Variants in MIA2 observed in about 807,000 individuals in gnomAD.
MIA2 encodes MIA SH3 domain ER export factor 2, also known as melanoma inhibitory activity protein 2.
MIA2 carries 127 observed loss-of-function variants against 167.8 expected under a neutral mutation model. The observed-to-expected ratio is 0.76, with a 90% CI of 0.66 to 0.88. The LOEUF (loss-of-function observed/expected upper bound fraction) is 0.88. MIA2 is among the 40% of genes least tolerant of loss of function. The pLI, the probability that MIA2 is intolerant of heterozygous loss-of-function variation, is 0.00. For missense variants in MIA2, 1,690 were observed against 1,624.7 expected, an observed-to-expected ratio of 1.04 and a Z score of -0.69; for synonymous variants, 552 against 541.9, an observed-to-expected ratio of 1.02 and a Z score of -0.26.
intron 6 of MIA2, among the ~76,000 whole-genome samples, chr14:39,263,634 T>TC (rs1491417593): frequency 1.9e-3 from 118 of 61,096 alleles, no homozygotes; most frequent in African/African-American, 0.012. Context: ...TCTCTCTCTC[T>TC]TTTTTTTTTT....
At chr14:39,321,300 A>AT (rs1262082583) in intron 24 of MIA2, among the ~76,000 whole-genome samples, 2 of 151,584 alleles carry the variant, frequency 1.3e-5, no homozygotes, top group African/African-American at 4.8e-5. Flanking sequence ...CTTTTTATTT[A>AT]TTTTTCTTTT....
rs147941751 is a variant in MIA2 at position 39,252,885 on chromosome 14, T to C, written c.1705T>C (p.Ser569Pro). ...EGPALVEIDR[S>P]VENTLLNSQM... ...GCCTGCTCTGGTGGAGATAGACAGA[T>C]CTGTGGAAAATACCCTGCTAAATAG... The change falls in exon 5 of 29, where the codon TCT becomes CCT. Residue 569 changes from serine to proline, a missense_variant. By Grantham distance (74) the Ser-to-Pro change is moderately conservative. Coordinates refer to ENST00000640607, the MANE Select transcript of MIA2 (RefSeq NM_001329214.4). 2.5e-4 allele frequency: 397 copies of C among 1,613,914 alleles called. 1 individual carries two copies. The highest frequency in any genetic ancestry group is 3.5e-4 in the Admixed American group (21 of 59,968).
chr14:39,285,413 GC>G (rs1300295174), intron 9 of MIA2, among the ~76,000 whole-genome samples: 2 of 146,688 alleles, frequency 1.4e-5, no homozygotes, highest in Non-Finnish European at 3.0e-5. Context: ...GGGGCGGCTG[GC>G]CGGGCGGGGG....
intron 3 of MIA2, among the ~76,000 whole-genome samples, chr14:39,242,182 A>G (rs956791129): frequency 6.6e-6 from 1 of 152,378 alleles, no homozygotes; most frequent in African/African-American, 2.4e-5. Context: ...TTATACCTCA[A>G]TAAAACTGAA....
intron 28 of MIA2, 45 bp downstream of exon 28, chr14:39,349,022 A>G: frequency 6.4e-7 from 1 of 1,568,098 alleles, no homozygotes; most frequent in Non-Finnish European, 8.8e-7. Flanking sequence ...TATGTGGTTT[A>G]TTAATCGGAG....
intron 3 of MIA2, among the ~76,000 whole-genome samples, chr14:39,245,183 C>G (rs1268428253): frequency 6.6e-6 from 1 of 150,476 alleles, no homozygotes; most frequent in Non-Finnish European, 1.5e-5. Context: ...TCAAGCAGTC[C>G]TCCTGCCTTG....
chr14:39,290,692 T>A (rs1360190379), intron 9 of MIA2, among the ~76,000 whole-genome samples: 1 of 152,222 alleles, frequency 6.6e-6, no homozygotes, highest in East Asian at 1.9e-4. Flanking sequence ...GGATAATCTT[T>A]AGTACAATCT....
intron 1 of MIA2, 58 bp downstream of exon 1, chr14:39,234,287 A>G (rs965246204): frequency 2.7e-6 from 3 of 1,120,708 alleles, no homozygotes; most frequent in African/African-American, 1.6e-5. Context: ...AATGACATAA[A>G]ATCTTATTGT....
chr14:39,315,818 T>TA (rs1248528415), intron 21 of MIA2, 100 bp downstream of exon 21: 4 of 786,996 alleles, frequency 5.1e-6, no homozygotes, highest in Admixed American at 5.4e-5. Flanking sequence ...TATAGTATTC[T>TA]AAAAAATCAG....
chr14:39,353,220 T>A (rs73279344), downstream of MIA2, among the ~76,000 whole-genome samples: 4,519 of 152,300 alleles, frequency 0.03, 246 homozygotes, highest in African/African-American at 0.1. Flanking sequence ...CTTTTGTGAT[T>A]ACTTTGAAAT....
At chr14:39,381,121 G>T (rs1434433112) in intron 23 of MIA2, among the ~76,000 whole-genome samples, 1 of 151,904 alleles carries the variant, frequency 6.6e-6, no homozygotes, top group Non-Finnish European at 1.5e-5. Flanking sequence ...AGGAAAAACA[G>T]AGCTTCTCCC....
At chr14:39,253,836 G>A (rs2054694251) in intron 6 of MIA2, among the ~76,000 whole-genome samples, 1 of 152,082 alleles carries the variant, frequency 6.6e-6, no homozygotes, top group Non-Finnish European at 1.5e-5. Context: ...ATGAGATATT[G>A]CAAAAGGACT....
chr14:39,284,154 C>T (rs947709770), intron 9 of MIA2, among the ~76,000 whole-genome samples: 1 of 152,010 alleles, frequency 6.6e-6, no homozygotes, highest in Admixed American at 6.6e-5. Flanking sequence ...AGCTTTTTCC[C>T]TGTGTTTTCT....
chr14:39,276,348 C>G (rs1170587129), intron 6 of MIA2: 1 of 152,094 alleles, frequency 6.6e-6, no homozygotes, highest in African/African-American at 2.4e-5. Flanking sequence ...TTTTTGAGCA[C>G]CTGTCTGGCA....
chr14:39,365,558 G>T (rs1227478979), intron 23 of MIA2, among the ~76,000 whole-genome samples: 1 of 151,902 alleles, frequency 6.6e-6, no homozygotes, highest in Non-Finnish European at 1.5e-5. Context: ...CTTTCCTCTG[G>T]TTGATCTAGT....
At chr14:39,314,660 A>T in intron 19 of MIA2, 79 bp from the exon 20 acceptor site, 1 of 884,538 alleles carries the variant, frequency 1.1e-6, no homozygotes, top group Non-Finnish European at 1.6e-6. Flanking sequence ...GTTTTCTAAT[A>T]AATATTTTTT....
At chr14:39,255,262 C>A (rs1385256683) in intron 6 of MIA2, among the ~76,000 whole-genome samples, 1 of 152,136 alleles carries the variant, frequency 6.6e-6, no homozygotes, top group Non-Finnish European at 1.5e-5. Flanking sequence ...AATCCCAGCA[C>A]TTTGGGAGGC....
intron 23 of MIA2, among the ~76,000 whole-genome samples, chr14:39,379,866 C>G (rs936693612): frequency 6.6e-6 from 1 of 151,856 alleles, no homozygotes; most frequent in Non-Finnish European, 1.5e-5. Context: ...AACCCAAAAA[C>G]CTTAAATTAC....
chr14:39,290,973 G>C (rs1355484992), intron 9 of MIA2, 46 bp from the exon 10 acceptor site: 1 of 1,502,118 alleles, frequency 6.7e-7, no homozygotes, highest in South Asian at 1.2e-5. Flanking sequence ...ATAAGATTTA[G>C]AATACAATTG....
Sources: gnomAD v4.1 joint callset for allele counts (sites outside exome capture counted in the v4.1 genomes callset) on GRCh38, gnomAD v4.1.1 for gene constraint, MANE v1.5 for transcripts, NCBI Gene and HGNC (gene_info 2026-07-23, HGNC 2026-07-21) for gene names.